Variants in VPS35L observed in about 807,000 individuals in gnomAD.
VPS35L encodes the protein VPS35 endosomal protein sorting factor like, also known as VPS35 endosomal protein-sorting factor-like.
VPS35L carries 83 observed loss-of-function variants against 133.0 expected under a neutral mutation model. The ratio of observed to expected loss-of-function variants is 0.62; its 90% confidence interval spans 0.52 to 0.75. The LOEUF is 0.75. Ranked by LOEUF, VPS35L falls within the 30% of genes least tolerant of loss-of-function variation. The probability of loss-of-function intolerance (pLI) is 0.00; values close to 1 mark genes in which losing one functional copy is unlikely to be tolerated. For synonymous variants in VPS35L, 423 were observed against 449.9 expected (o/e 0.94, Z 0.76); for missense variants, 1,083 against 1,206.8 (o/e 0.90, Z 1.52).
chr16:19,633,185 CA>C lies in VPS35L; in HGVS notation c.1635+14del. ...TTCCTACCCCCAGGTAACAGATTTG[CA>C]TTTCTCATTTCAACATTGTTAGGAA... On this transcript the variant is annotated intron_variant, in intron 19 of 30. Transcript: ENST00000417362. This position sits in a 1 kb window ranked among gnomAD's most constrained non-coding sequence, Gnocchi z 4.1. The C allele has an allele frequency of 1.9e-6, 3 of 1,610,014 alleles. No homozygotes were observed. The highest frequency in any genetic ancestry group is 2.6e-6 in the Non-Finnish European group (3 of 1,176,242).
Position 19,699,502 on chromosome 16 carries a change from G to A in VPS35L, c.2647G>A (p.Ala883Thr), listed in dbSNP as rs34342607. The change falls in exon 30 of 31, where the codon GCC becomes ACC. Residue 883 changes from alanine (A) to threonine (T), a missense_variant and splice_region_variant. Coordinates refer to ENST00000417362, the MANE Select transcript of VPS35L (RefSeq NM_020314.7). The surrounding 1 kb of genome is among the most constrained non-coding windows in gnomAD (Gnocchi z 4.2). ...CAGTAACCTCCCTTTTCTGTTTCAG[G>A]CCCTGAAGCGCCAGAGCTCGTTGGG... ...EHLKTLAKDE[A>T]LKRQSSLGLS... 6,939 of 1,614,018 alleles carry A rather than the reference G, an allele frequency of 4.3e-3. 98 individuals carry two copies. The highest frequency in any genetic ancestry group is 0.035 in the South Asian group (3,148 of 91,070).
intron 7 of VPS35L, among the ~76,000 whole-genome samples, chr16:19,584,396 G>A (rs921035280): frequency 5.9e-5 from 9 of 152,132 alleles, no homozygotes; most frequent in Admixed American, 1.3e-4. Flanking sequence ...GGAGGCTGAG[G>A]CAGGTGGATC....
chr16:19,667,476 G>T (rs1026430039), intron 26 of VPS35L, among the ~76,000 whole-genome samples: 1 of 152,178 alleles, frequency 6.6e-6, no homozygotes, highest in Non-Finnish European at 1.5e-5. Flanking sequence ...GCTCACGCCT[G>T]TAATCCCAGA....
chr16:19,624,811 C>T (rs1237088377), intron 14 of VPS35L, among the ~76,000 whole-genome samples: 1 of 152,100 alleles, frequency 6.6e-6, no homozygotes, highest in African/African-American at 2.4e-5. Flanking sequence ...TTGGCTTTTG[C>T]ATCTGTAAAA....
intron 25 of VPS35L, among the ~76,000 whole-genome samples, chr16:19,651,364 G>A (rs965096315): frequency 8.6e-5 from 13 of 151,728 alleles, no homozygotes; most frequent in Admixed American, 2.6e-4. Flanking sequence ...CACCATATCC[G>A]GGTAATTTTT....
intron 26 of VPS35L, among the ~76,000 whole-genome samples, chr16:19,663,492 CTG>C (rs1974554882): frequency 6.6e-6 from 1 of 151,896 alleles, no homozygotes; most frequent in African/African-American, 2.4e-5. Flanking sequence ...ACGTATACAG[CTG>C]TGTGACTTTT....
intron 9 of VPS35L, 96 bp from the exon 10 acceptor site, chr16:19,608,082 C>T: frequency 1.2e-6 from 1 of 844,432 alleles, no homozygotes; most frequent in Non-Finnish European, 2.0e-6. Context: ...GCTGAGTCAC[C>T]CCCTTTTCTG....
intron 29 of VPS35L, among the ~76,000 whole-genome samples, chr16:19,696,961 G>A (rs1413768071): frequency 6.6e-6 from 1 of 152,212 alleles, no homozygotes; most frequent in East Asian, 1.9e-4. Context: ...GTTCTCCCAG[G>A]TGTCAGACGA....
chr16:19,583,765 A>G (rs1480199631), intron 7 of VPS35L, among the ~76,000 whole-genome samples: 2 of 151,986 alleles, frequency 1.3e-5, no homozygotes, highest in African/African-American at 4.8e-5. Context: ...TACACAATAA[A>G]TTTTGGACTA....
In VPS35L at chr16:19,575,804, A is replaced by C. The variant is rs928365842; in HGVS notation, c.433+682A>C. 2.0e-5 allele frequency among the ~76,000 whole-genome samples: 3 copies of C among 151,198 alleles called. No homozygotes were observed. In the Admixed American group the frequency reaches 2.0e-4, roughly 10 times the overall value. On this transcript the variant is annotated intron_variant, in intron 5 of 30. Coordinates refer to ENST00000417362, the MANE Select transcript of VPS35L (RefSeq NM_020314.7). Reference sequence around the variant, plus strand: ...CTTGAACCTGGGAGGCGGAAGTTGCAGTGAGCCAAGATTGCACTCCAGCCT... The same window carrying C: ...CTTGAACCTGGGAGGCGGAAGTTGCCGTGAGCCAAGATTGCACTCCAGCCT...
chr16:19,688,461 G>C (rs1429120854), intron 28 of VPS35L, among the ~76,000 whole-genome samples: 1 of 152,308 alleles, frequency 6.6e-6, no homozygotes. Flanking sequence ...TGGATTAGCC[G>C]TGTGCACTTG....
At chr16:19,581,850 T>G in intron 7 of VPS35L, 197 bp downstream of exon 7, 1 of 669,098 alleles carries the variant, frequency 1.5e-6, no homozygotes, top group Non-Finnish European at 2.5e-6. Flanking sequence ...GGTTACCATG[T>G]GCAGCTGCAC....
At chr16:19,674,232 A>G (rs1194291173) in intron 27 of VPS35L, among the ~76,000 whole-genome samples, 1 of 111,854 alleles carries the variant, frequency 8.9e-6, no homozygotes, top group Admixed American at 1.4e-4. Flanking sequence ...TCTGTCACCC[A>G]GGCTAGATGG....
chr16:19,604,588 CAGT>C (rs1009934676), intron 9 of VPS35L, among the ~76,000 whole-genome samples: 1 of 152,010 alleles, frequency 6.6e-6, no homozygotes, highest in African/African-American at 2.4e-5. Flanking sequence ...CTGAAAAGAA[CAGT>C]AGATTATGTT....
chr16:19,580,487 C>T (rs16972219), intron 6 of VPS35L, among the ~76,000 whole-genome samples: 26,928 of 151,880 alleles, frequency 0.18, 2,648 homozygotes, highest in African/African-American at 0.26. Context: ...GGTTCCAGGT[C>T]TCATCATGTG....
At chr16:19,674,656 T>A (rs1000322529) in intron 27 of VPS35L, among the ~76,000 whole-genome samples, 3 of 152,212 alleles carry the variant, frequency 2.0e-5, no homozygotes, top group African/African-American at 4.8e-5. Flanking sequence ...AACTGTGCTG[T>A]GTAGCAGATC....
At position 19,560,794 on chromosome 16, in the gene VPS35L, TAA is replaced by T. The variant is rs886766290; in HGVS notation, c.18-4046_18-4045del. On this transcript the variant is annotated intron_variant, in intron 1 of 30. Transcript: ENST00000417362. ...CTGGGGTACAAAGCAATACTCTGTCTAAAAAAAAAAAAGTGATTTGAAAAGAG... is the reference window on the plus strand; with the variant it reads ...CTGGGGTACAAAGCAATACTCTGTCTAAAAAAAAAAGTGATTTGAAAAGAG... Among the ~76,000 whole-genome samples, 7 of 142,986 alleles carry T rather than the reference TAA, an allele frequency of 4.9e-5. No individual in the cohort carries two copies. The South Asian group carries it at 8.8e-4, about 18-fold the overall frequency. The allele number at this position is 142,986 out of a possible 152,430, so 93.8% of individuals were successfully genotyped here. A position where few individuals can be genotyped will look rare whatever the true frequency, so the allele number is the denominator to read the frequency against.
intron 14 of VPS35L, among the ~76,000 whole-genome samples, chr16:19,618,966 T>C (rs565907905): frequency 6.6e-6 from 1 of 151,262 alleles, no homozygotes; most frequent in African/African-American, 2.4e-5. Context: ...AGTCTCACTC[T>C]GTCTCCCAGG....
At chr16:19,696,409 G>C (rs8063310) in intron 29 of VPS35L, among the ~76,000 whole-genome samples, 52,175 of 152,058 alleles carry the variant, frequency 0.34, 13,968 homozygotes, top group African/African-American at 0.75. Flanking sequence ...GGTAGCAACC[G>C]TGCTTCCAAA....
Sources: gnomAD v4.1 joint callset for allele counts (sites outside exome capture counted in the v4.1 genomes callset) on GRCh38, gnomAD v4.1.1 for gene constraint, Gnocchi (gnomAD v3.1) non-coding constraint, MANE v1.5 for transcripts, NCBI Gene and HGNC (gene_info 2026-07-23, HGNC 2026-07-21) for gene names.